SLC25A26: variants seen among roughly 807,000 people sequenced by gnomAD.
SLC25A26 encodes solute carrier family 25 member 26.
A neutral mutation model predicts 37.8 loss-of-function variants in SLC25A26; 36 were observed. The ratio of observed to expected loss-of-function variants is 0.95; its 90% CI spans 0.73 to 1.26. The LOEUF is 1.26. Ranked by LOEUF, SLC25A26 falls within the 50% of genes most tolerant of loss-of-function variation. The probability of loss-of-function intolerance (pLI) is 0.00; values close to 1 mark genes in which losing one functional copy is unlikely to be tolerated. For missense variants in SLC25A26, 390 were observed against 331.1 expected (o/e 1.18, Z -1.38); for synonymous variants, 129 against 122.5 (o/e 1.05, Z -0.35).
chr3:66,369,985 A>G (rs2107840977), intron 8 of SLC25A26, among the ~76,000 whole-genome samples: 1 of 152,330 alleles, frequency 6.6e-6, no homozygotes, highest in South Asian at 2.1e-4. Flanking sequence ...CCTGCTAGAT[A>G]GAGAGTTGAA....
At chr3:66,319,846 C>G (rs927199868) in intron 5 of SLC25A26, among the ~76,000 whole-genome samples, 2 of 146,788 alleles carry the variant, frequency 1.4e-5, no homozygotes, top group Admixed American at 6.8e-5. Flanking sequence ...CTCTACTTCC[C>G]AGGTTCAAAC....
At chr3:66,331,462 C>T (rs1168527853) in intron 5 of SLC25A26, among the ~76,000 whole-genome samples, 1 of 152,070 alleles carries the variant, frequency 6.6e-6, no homozygotes, top group African/African-American at 2.4e-5. Context: ...ATTTCCATGC[C>T]TATCCTTTTA....
chr3:66,170,791 GTTTTTTTTT>G (rs36147154), intron 1 of SLC25A26, among the ~76,000 whole-genome samples: 44 of 50,898 alleles, frequency 8.6e-4, no homozygotes, highest in African/African-American at 3.0e-3. Flanking sequence ...TGTGATTATT[GTTTTTTTTT>G]TTTTTTTTTT....
At chr3:66,161,101 T>C (rs1207675111) in intron 1 of SLC25A26, among the ~76,000 whole-genome samples, 3 of 152,080 alleles carry the variant, frequency 2.0e-5, no homozygotes, top group African/African-American at 7.2e-5. Context: ...GTCTAGATAT[T>C]ATTGGGTGGT....
chr3:66,237,873 C>T (rs1048642753), intron 2 of SLC25A26, among the ~76,000 whole-genome samples: 17 of 152,186 alleles, frequency 1.1e-4, no homozygotes, highest in African/African-American at 3.6e-4. Flanking sequence ...TTTTCTCTTA[C>T]GTTAACCTGA....
At chr3:66,172,932 C>T (rs759040831) in intron 1 of SLC25A26, among the ~76,000 whole-genome samples, 5 of 152,088 alleles carry the variant, frequency 3.3e-5, no homozygotes, top group African/African-American at 4.8e-5. Context: ...TACAAGGAAC[C>T]GATTTCCAAA....
chr3:66,368,808 A>G (rs1700175186), intron 7 of SLC25A26, among the ~76,000 whole-genome samples: 1 of 152,126 alleles, frequency 6.6e-6, no homozygotes, highest in Non-Finnish European at 1.5e-5. Flanking sequence ...GCTTGATGCA[A>G]GGAGTTCAAG....
chr3:66,194,098 T>C (rs1218277172), intron 1 of SLC25A26, among the ~76,000 whole-genome samples: 1 of 152,216 alleles, frequency 6.6e-6, no homozygotes, highest in Non-Finnish European at 1.5e-5. Flanking sequence ...TGTTTGAAAA[T>C]GTGTCTTATC....
chr3:66,188,838 C>G (rs1307558511), intron 1 of SLC25A26, among the ~76,000 whole-genome samples: 2 of 151,968 alleles, frequency 1.3e-5, no homozygotes, highest in Non-Finnish European at 2.9e-5. Flanking sequence ...GATAATCAAC[C>G]TGACCAGACC....
chr3:66,212,192 G>C (rs981037789), intron 1 of SLC25A26, among the ~76,000 whole-genome samples: 10 of 152,074 alleles, frequency 6.6e-5, no homozygotes, highest in African/African-American at 2.4e-4. Flanking sequence ...GTTAACCGCA[G>C]CCTGAAACTC....
At chr3:66,151,953 T>A (rs1377840540) in intron 1 of SLC25A26, among the ~76,000 whole-genome samples, 1 of 152,240 alleles carries the variant, frequency 6.6e-6, no homozygotes, top group Non-Finnish European at 1.5e-5. Context: ...TAAATATATC[T>A]TTGTAGAATG....
intron 5 of SLC25A26, among the ~76,000 whole-genome samples, chr3:66,325,394 A>AT (rs1457584559): frequency 6.6e-6 from 1 of 152,330 alleles, no homozygotes; most frequent in Non-Finnish European, 1.5e-5. Flanking sequence ...GGTACTATGC[A>AT]TAGGGGAAAC....
At chr3:66,216,980 T>C (rs2071371541), upstream of SLC25A26, among the ~76,000 whole-genome samples, 1 of 152,220 alleles carries the variant, frequency 6.6e-6, no homozygotes, top group African/African-American at 2.4e-5. Flanking sequence ...AATATCTGTA[T>C]TTCCTAAAAG....
At chr3:66,241,439 G>T (rs2072579618) in intron 2 of SLC25A26, among the ~76,000 whole-genome samples, 1 of 152,110 alleles carries the variant, frequency 6.6e-6, no homozygotes, top group Non-Finnish European at 1.5e-5. Flanking sequence ...CTTACATATT[G>T]CATAGAAAGA....
At chr3:66,337,601 C>T (rs974080768) in intron 5 of SLC25A26, among the ~76,000 whole-genome samples, 2 of 151,840 alleles carry the variant, frequency 1.3e-5, no homozygotes, top group Admixed American at 1.3e-4. Context: ...AAATTAAAAC[C>T]TAAAACTAAA....
intron 1 of SLC25A26, among the ~76,000 whole-genome samples, chr3:66,202,384 G>T (rs925402263): frequency 2.6e-5 from 4 of 151,900 alleles, no homozygotes; most frequent in African/African-American, 9.7e-5. Context: ...GCAAGGGGAC[G>T]GATAGCATTA....
intron 1 of SLC25A26, among the ~76,000 whole-genome samples, chr3:66,190,663 A>G (rs1312630712): frequency 6.6e-6 from 1 of 152,146 alleles, no homozygotes; most frequent in Non-Finnish European, 1.5e-5. Context: ...TCCTGGCCTC[A>G]GGTGATTGAC....
chr3:66,340,296 G>T (rs545049027), intron 5 of SLC25A26, among the ~76,000 whole-genome samples: 4 of 151,964 alleles, frequency 2.6e-5, no homozygotes, highest in African/African-American at 9.7e-5. Context: ...CTTTCATTGG[G>T]GTACCTTGAG....
intron 5 of SLC25A26, among the ~76,000 whole-genome samples, chr3:66,295,819 T>C (rs886392778): frequency 4.6e-5 from 7 of 151,832 alleles, no homozygotes; most frequent in Non-Finnish European, 1.0e-4. Context: ...TTTAAAACTA[T>C]TTTTTAAATT....
Sources: gnomAD v4.1 joint callset for allele counts (sites outside exome capture counted in the v4.1 genomes callset) on GRCh38, gnomAD v4.1.1 for gene constraint, MANE v1.5 for transcripts, NCBI Gene and HGNC (gene_info 2026-07-23, HGNC 2026-07-21) for gene names.